Variants in TFDP2 observed in about 807,000 individuals in gnomAD.
TFDP2 encodes the protein transcription factor Dp-2 (E2F dimerization partner 2).
In TFDP2, 17 loss-of-function variants were observed where a neutral mutation model predicts 59.3. The observed-to-expected ratio is 0.29, with a 90% CI of 0.20 to 0.43. The LOEUF is 0.43. TFDP2 is among the 20% of genes least tolerant of loss of function. The pLI is 1.00. For synonymous variants in TFDP2, 180 were observed against 194.7 expected, an observed-to-expected ratio of 0.92 and a Z score of 0.63; for missense variants, 391 against 528.8, an observed-to-expected ratio of 0.74 and a Z score of 2.56.
chr3:141,989,709 GA>G (rs1047543418), intron 6 of TFDP2, among the ~76,000 whole-genome samples: 5 of 152,020 alleles, frequency 3.3e-5, no homozygotes, highest in Non-Finnish European at 7.4e-5. Context: ...GCCTCTCTGT[GA>G]CAATGTAGGG....
At chr3:142,055,437 C>G (rs973751145) in intron 3 of TFDP2, among the ~76,000 whole-genome samples, 2 of 152,210 alleles carry the variant, frequency 1.3e-5, no homozygotes, top group Non-Finnish European at 2.9e-5. Context: ...AGGCACTCTG[C>G]TAGGCAAGGT....
At chr3:141,995,775 T>C (rs1943211325) in intron 4 of TFDP2, among the ~76,000 whole-genome samples, 1 of 147,054 alleles carries the variant, frequency 6.8e-6, no homozygotes, top group Non-Finnish European at 1.5e-5. Flanking sequence ...CCCAGCTACA[T>C]GGGAGGCTGA....
In TFDP2 at chr3:142,076,361, T is replaced by A. The variant is rs189661798; in HGVS notation, c.82+16700A>T. Among the ~76,000 whole-genome samples, 1,478 of 152,294 alleles carry A rather than the reference T, an allele frequency of 9.7e-3. 7 individuals are homozygous for A. The highest frequency in any genetic ancestry group is 0.015 in the Non-Finnish European group (1,007 of 68,020). ...AAGATATTTGCTGTGGTACCATTTATCAGAAATAAGATAGAGACAATCTAA... is the reference window on the plus strand; with the variant it reads ...AAGATATTTGCTGTGGTACCATTTAACAGAAATAAGATAGAGACAATCTAA... On this transcript the variant is annotated intron_variant, in intron 3 of 12. Coordinates refer to ENST00000489671, the MANE Select transcript of TFDP2 (RefSeq NM_001178139.2).
chr3:142,055,750 G>T (rs185502128), intron 3 of TFDP2, among the ~76,000 whole-genome samples: 111 of 152,108 alleles, frequency 7.3e-4, no homozygotes, highest in Non-Finnish European at 1.1e-3. Flanking sequence ...AGCTACCAGA[G>T]GGGAACCTGA....
chr3:141,961,432 T>C (rs866787299), intron 10 of TFDP2, among the ~76,000 whole-genome samples: 2 of 151,734 alleles, frequency 1.3e-5, no homozygotes, highest in South Asian at 2.1e-4. Flanking sequence ...TTAGTAGAAA[T>C]GGGGGTTTTA....
intron 3 of TFDP2, among the ~76,000 whole-genome samples, chr3:142,088,816 G>T (rs369141678): frequency 6.7e-6 from 1 of 150,094 alleles, no homozygotes; most frequent in African/African-American, 2.5e-5. Context: ...AAAAGTAGTC[G>T]ACCTCCTGGA....
At chr3:142,143,593 T>A (rs2063041232) in intron 1 of TFDP2, among the ~76,000 whole-genome samples, 1 of 152,094 alleles carries the variant, frequency 6.6e-6, no homozygotes. Flanking sequence ...GAGCAAAAGA[T>A]CTGAATAGAC....
chr3:142,038,620 C>T (rs985397796), intron 3 of TFDP2, among the ~76,000 whole-genome samples: 1 of 151,958 alleles, frequency 6.6e-6, no homozygotes, highest in Non-Finnish European at 1.5e-5. Flanking sequence ...TCAGAAAAAA[C>T]TGCAAAATAT....
At chr3:142,064,546 G>A (rs2060014206) in intron 3 of TFDP2, among the ~76,000 whole-genome samples, 1 of 152,294 alleles carries the variant, frequency 6.6e-6, no homozygotes, top group African/African-American at 2.4e-5. Flanking sequence ...GTTCATTTGG[G>A]AGACTGAGGA....
chr3:142,014,025 A>C (rs1944932798), intron 3 of TFDP2, among the ~76,000 whole-genome samples: 1 of 152,214 alleles, frequency 6.6e-6, no homozygotes, highest in Non-Finnish European at 1.5e-5. Context: ...ACTTACTATA[A>C]GAAATAATAC....
At chr3:142,116,596 T>C (rs2061859290) in intron 1 of TFDP2, among the ~76,000 whole-genome samples, 1 of 152,082 alleles carries the variant, frequency 6.6e-6, no homozygotes, top group Non-Finnish European at 1.5e-5. Flanking sequence ...AGGAAATAAG[T>C]TTCTGTTGTT....
chr3:142,057,615 G>A (rs1484498934), intron 3 of TFDP2, among the ~76,000 whole-genome samples: 1 of 152,186 alleles, frequency 6.6e-6, no homozygotes, highest in Non-Finnish European at 1.5e-5. Flanking sequence ...AACAATCTGA[G>A]TGCTATGAAT....
rs937083599 is a variant in TFDP2, at chr3:142,121,449, G to A, written c.-92-19608C>T. Among the ~76,000 whole-genome samples, 6 of 152,144 alleles carry A rather than the reference G, an allele frequency of 3.9e-5. No individual in the cohort carries two copies. The highest frequency in any genetic ancestry group is 1.4e-4 in the African/African-American group (6 of 41,432). ...AAGGGTGGGAATCAGGTTCTAACTC[G>A]AGTTAAATTAGTAATAGAGATAATT... On this transcript the variant is annotated intron_variant, in intron 1 of 12. Coordinates refer to ENST00000489671, the MANE Select transcript of TFDP2 (RefSeq NM_001178139.2). The surrounding 1 kb of genome is among the most constrained non-coding windows in gnomAD (Gnocchi z 4.3).
At chr3:142,135,816 T>G (rs185887125) in intron 1 of TFDP2, among the ~76,000 whole-genome samples, 1 of 152,262 alleles carries the variant, frequency 6.6e-6, no homozygotes, top group Admixed American at 6.5e-5. Flanking sequence ...GATGGACATT[T>G]GGGTTGGTTC....
At chr3:142,040,072 GT>G (rs1946884092) in intron 3 of TFDP2, among the ~76,000 whole-genome samples, 1 of 151,480 alleles carries the variant, frequency 6.6e-6, no homozygotes, top group African/African-American at 2.4e-5. Context: ...TATACATGAT[GT>G]TTGCCATTAA....
intron 3 of TFDP2, among the ~76,000 whole-genome samples, chr3:142,088,214 C>T (rs1224107117): frequency 1.3e-5 from 2 of 152,208 alleles, no homozygotes; most frequent in Non-Finnish European, 2.9e-5. Context: ...TCTCAGGTCT[C>T]ATTTCTTGCC....
intron 3 of TFDP2, among the ~76,000 whole-genome samples, chr3:142,087,254 T>C (rs1309733036): frequency 6.6e-6 from 1 of 152,238 alleles, no homozygotes; most frequent in Non-Finnish European, 1.5e-5. Context: ...GGTGATTTCA[T>C]TGTTGTACAA....
chr3:142,028,045 G>A (rs1053812948), intron 3 of TFDP2, among the ~76,000 whole-genome samples: 5 of 151,920 alleles, frequency 3.3e-5, no homozygotes, highest in African/African-American at 1.2e-4. Flanking sequence ...AATGTACTAG[G>A]GAAAAAAAGG....
chr3:142,074,744 C>G (rs1282737744), intron 3 of TFDP2, among the ~76,000 whole-genome samples: 1 of 152,006 alleles, frequency 6.6e-6, no homozygotes, highest in Non-Finnish European at 1.5e-5. Context: ...CCCGGCTACT[C>G]GGGAGGCTGA....
Sources: allele counts gnomAD v4.1 joint callset (sites outside exome capture counted in the v4.1 genomes callset), GRCh38; gene constraint gnomAD v4.1.1; non-coding constraint Gnocchi (gnomAD v3.1); transcripts MANE v1.5; gene names NCBI Gene and HGNC (gene_info 2026-07-23, HGNC 2026-07-21).